Variants in RANBP2 observed in about 807,000 individuals in gnomAD.
RANBP2 encodes the protein RAN binding protein 2.
A neutral mutation model predicts 303.6 loss-of-function variants in RANBP2; 57 were observed. The observed-to-expected ratio is 0.19, with a 90% CI of 0.15 to 0.23. The LOEUF is 0.23. Among genes scored for constraint, RANBP2 ranks in the 10% least tolerant of loss-of-function variants. The pLI, the probability that RANBP2 is intolerant of heterozygous loss-of-function variation, is 1.00. For synonymous variants in RANBP2, 1,167 were observed against 1,301.5 expected (o/e 0.90, Z 2.23); for missense variants, 3,138 against 3,780.8 (o/e 0.83, Z 4.46).
the RANBP2 span, among the ~76,000 whole-genome samples, chr2:109,049,604 G>A: frequency 7.2e-5 from 11 of 152,272 alleles, no homozygotes; most frequent in East Asian, 1.9e-3. Context: ...GTGGGCCTGA[G>A]GCCCTCTTTC....
the RANBP2 span, among the ~76,000 whole-genome samples, chr2:109,534,290 C>T: frequency 1.3e-5 from 2 of 152,126 alleles, no homozygotes; most frequent in Admixed American, 6.5e-5. Flanking sequence ...CTGCCACTGC[C>T]GTCTCAAGTC....
At chr2:109,104,566 C>G in the RANBP2 span, among the ~76,000 whole-genome samples, 1 of 151,764 alleles carries the variant, frequency 6.6e-6, no homozygotes, top group Non-Finnish European at 1.5e-5. Flanking sequence ...TCACTGCAAG[C>G]TCCGCCTCCC....
the RANBP2 span, among the ~76,000 whole-genome samples, chr2:109,249,471 T>TTCTC: frequency 1.7e-4 from 4 of 23,420 alleles, no homozygotes; most frequent in Admixed American, 6.1e-4. Flanking sequence ...CTCTTTCTCT[T>TTCTC]TCTTTCTTTC....
At chr2:109,059,441 G>A in the RANBP2 span, among the ~76,000 whole-genome samples, 1 of 152,034 alleles carries the variant, frequency 6.6e-6, no homozygotes, top group Non-Finnish European at 1.5e-5. Context: ...CGGGTGTGGC[G>A]GTGGGTGCCT....
At chr2:108,787,950 A>G, downstream of RANBP2, 1 of 1,152,686 alleles carries the variant, frequency 8.7e-7, no homozygotes, top group African/African-American at 1.6e-5. Flanking sequence ...CTTTGTAATT[A>G]ATACATAATT....
chr2:109,113,821 T>C, the RANBP2 span, among the ~76,000 whole-genome samples: 1 of 152,244 alleles, frequency 6.6e-6, no homozygotes. Flanking sequence ...CAATACCTAA[T>C]TTATTGAGAG....
At chr2:109,600,832 C>A in the RANBP2 span, among the ~76,000 whole-genome samples, 1 of 152,218 alleles carries the variant, frequency 6.6e-6, no homozygotes, top group East Asian at 1.9e-4. Flanking sequence ...AAATCAGGGT[C>A]CCCACAACCC....
intron 20 of RANBP2, among the ~76,000 whole-genome samples, chr2:108,770,881 GT>G (rs1384233487): frequency 6.6e-6 from 1 of 152,058 alleles, no homozygotes; most frequent in Non-Finnish European, 1.5e-5. Flanking sequence ...ACCTTGTGAG[GT>G]TTTAATAGAA....
At chr2:108,828,317 T>TA in the RANBP2 span, among the ~76,000 whole-genome samples, 1 of 152,130 alleles carries the variant, frequency 6.6e-6, no homozygotes. Flanking sequence ...TTTAATGACG[T>TA]AAAAACATAA....
At chr2:109,314,789 A>T in the RANBP2 span, among the ~76,000 whole-genome samples, 2 of 152,350 alleles carry the variant, frequency 1.3e-5, no homozygotes, top group South Asian at 4.1e-4. Context: ...TGTTTAATTT[A>T]GGGTGTGACA....
chr2:109,158,726 T>A, the RANBP2 span, among the ~76,000 whole-genome samples: 1 of 152,224 alleles, frequency 6.6e-6, no homozygotes, highest in Non-Finnish European at 1.5e-5. Context: ...CATGGATGAA[T>A]GTTTTAACAC....
Position 108,753,065 on chromosome 2 carries a change from A to G in RANBP2, c.1823A>G (p.Lys608Arg), listed in dbSNP as rs1421572858. ...GGGAGAAGTGTTCATTATTGGAAGA[A>G]AGTTTTGCCATTGTTGAAGATAATA... Reference protein sequence around the residue: ...YIGRSVHYWKKVLPLLKIIKK... With the variant: ...YIGRSVHYWKRVLPLLKIIKK... The change falls in exon 13 of 29, where the codon AAA becomes AGA. Residue 608 changes from lysine (K) to arginine (R), a missense_variant. This residue lies in a region of RANBP2 where 162 missense variants were observed against 286.9 expected (regional missense o/e 0.56). Transcript: ENST00000283195. The G allele has an allele frequency of 3.7e-6, 6 of 1,609,662 alleles. No homozygotes were observed. Among genetic ancestry groups the G allele is most frequent in the African/African-American group, 2.7e-5 (2 of 74,584 alleles).
At chr2:109,047,532 G>C in the RANBP2 span, among the ~76,000 whole-genome samples, 1 of 152,070 alleles carries the variant, frequency 6.6e-6, no homozygotes, top group Non-Finnish European at 1.5e-5. Flanking sequence ...AAGTGGACCG[G>C]GCACGTTGGC....
chr2:109,343,564 G>A, the RANBP2 span, among the ~76,000 whole-genome samples: 16 of 152,114 alleles, frequency 1.1e-4, no homozygotes, highest in African/African-American at 3.9e-4. Flanking sequence ...AAGGCAAACA[G>A]GCCCCACCTG....
intron 4 of RANBP2, among the ~76,000 whole-genome samples, chr2:108,735,165 G>A (rs1350304454): frequency 2.6e-5 from 4 of 152,184 alleles, no homozygotes; most frequent in African/African-American, 9.7e-5. Flanking sequence ...GCGGGATTGA[G>A]TCAGATTTAA....
the RANBP2 span, among the ~76,000 whole-genome samples, chr2:109,322,925 C>T: frequency 6.6e-6 from 1 of 152,144 alleles, no homozygotes; most frequent in Non-Finnish European, 1.5e-5. Context: ...TTTTCCCTGG[C>T]TAGATTGGAA....
chr2:109,352,216 T>C, the RANBP2 span, among the ~76,000 whole-genome samples: 8 of 152,232 alleles, frequency 5.3e-5, no homozygotes, highest in Non-Finnish European at 8.8e-5. Context: ...CTCTCCTTTC[T>C]TCCTGTCTCA....
the RANBP2 span, among the ~76,000 whole-genome samples, chr2:109,580,056 G>T: frequency 6.6e-6 from 1 of 152,026 alleles, no homozygotes. Flanking sequence ...GAGAGATGGA[G>T]GTTGCAATGA....
chr2:109,584,130 A>C, the RANBP2 span, among the ~76,000 whole-genome samples: 1 of 152,208 alleles, frequency 6.6e-6, no homozygotes, highest in Non-Finnish European at 1.5e-5. Context: ...ATGTACCCCA[A>C]ATCTAAACGA....
Sources: allele counts gnomAD v4.1 joint callset (sites outside exome capture counted in the v4.1 genomes callset), GRCh38; gene constraint gnomAD v4.1.1; regional missense constraint gnomAD v4.1.1; transcripts MANE v1.5; gene names NCBI Gene and HGNC (gene_info 2026-07-23, HGNC 2026-07-21).